Variants in COXFA4L3 observed in about 807,000 individuals in gnomAD.
The protein encoded by COXFA4L3 is cytochrome c oxidase associated subunit FA4L3.
chr15:45,431,015 G>A, the COXFA4L3 span: 15 of 1,614,020 alleles, frequency 9.3e-6, 1 homozygote, highest in South Asian at 1.3e-4. Context: ...TTCCCTTGGT[G>A]GTGTTCATGA....
chr15:45,433,074 G>T, the COXFA4L3 span: 13 of 1,498,850 alleles, frequency 8.7e-6, no homozygotes, highest in Admixed American at 1.2e-4. Flanking sequence ...AAACATTTCT[G>T]CACAAACTAG....
At chr15:45,432,271 T>G in the COXFA4L3 span, 2 of 677,252 alleles carry the variant, frequency 3.0e-6, no homozygotes, top group South Asian at 2.0e-5. Flanking sequence ...AATGAGGAAA[T>G]TTTAAGAGCC....
chr15:45,431,931 T>C, the COXFA4L3 span: 4 of 677,796 alleles, frequency 5.9e-6, no homozygotes, highest in East Asian at 5.4e-5. Flanking sequence ...CAATTTTAGT[T>C]GCTACTGATG....
the COXFA4L3 span, chr15:45,430,689 C>G: frequency 4.8e-6 from 5 of 1,038,480 alleles, no homozygotes; most frequent in Non-Finnish European, 7.1e-6. Flanking sequence ...GCGGACGCGC[C>G]GGCCCGCAGT....
chr15:45,433,240 A>G, the COXFA4L3 span: 1 of 490,348 alleles, frequency 2.0e-6, no homozygotes, highest in Non-Finnish European at 3.8e-6. Context: ...TTGCATATTG[A>G]AATTTTTGTT....
chr15:45,431,718 A>T, the COXFA4L3 span, among the ~76,000 whole-genome samples: 1 of 152,178 alleles, frequency 6.6e-6, no homozygotes, highest in African/African-American at 2.4e-5. Context: ...CCACCTGCAG[A>T]GTTCAACCTG....
At chr15:45,431,402 T>A in the COXFA4L3 span, 1 of 218,978 alleles carries the variant, frequency 4.6e-6, no homozygotes, top group African/African-American at 2.3e-5. Context: ...AAAGCTTGTT[T>A]TTTTTTTTTT....
the COXFA4L3 span, chr15:45,432,170 C>T: frequency 3.2e-6 from 5 of 1,577,832 alleles, no homozygotes; most frequent in East Asian, 9.0e-5. Context: ...TATATTTTGC[C>T]CAAACCTTAG....
chr15:45,431,282 G>GA, the COXFA4L3 span: 16,909 of 349,196 alleles, frequency 0.048, 1,132 homozygotes, highest in African/African-American at 0.24. Flanking sequence ...ATGAAAATTA[G>GA]AAAAAAAAAA....
chr15:45,432,891 CA>C, the COXFA4L3 span: 4 of 1,484,066 alleles, frequency 2.7e-6, no homozygotes, highest in Non-Finnish European at 3.7e-6. Context: ...GAGGGACATG[CA>C]AATGAAAGTC....
chr15:45,433,227 A>G, the COXFA4L3 span: 2 of 523,036 alleles, frequency 3.8e-6, no homozygotes, highest in Non-Finnish European at 7.1e-6. Flanking sequence ...GTAAATTTGA[A>G]TATTGCATAT....
the COXFA4L3 span, chr15:45,433,178 C>A: frequency 1.3e-6 from 1 of 771,042 alleles, no homozygotes; most frequent in Non-Finnish European, 2.4e-6. Context: ...AGGAGTGCAG[C>A]AATAACTGCA....
the COXFA4L3 span, chr15:45,430,722 G>A: frequency 6.9e-7 from 1 of 1,457,844 alleles, no homozygotes. Flanking sequence ...CGCGGTGGAC[G>A]GTTTGGCGCC....
the COXFA4L3 span, chr15:45,432,838 A>G: frequency 3.7e-6 from 3 of 817,062 alleles, no homozygotes; most frequent in African/African-American, 3.5e-5. Context: ...TACAAACACA[A>G]TGGTGATGCT....
chr15:45,432,115 C>A, the COXFA4L3 span: 5 of 1,613,060 alleles, frequency 3.1e-6, no homozygotes, highest in South Asian at 5.5e-5. Context: ...AACTGTGGAC[C>A]CTACTGTACC....
chr15:45,430,696 C>T, the COXFA4L3 span: 2 of 1,139,360 alleles, frequency 1.8e-6, no homozygotes, highest in South Asian at 1.4e-5. Flanking sequence ...CGCCGGCCCG[C>T]AGTTGGCCTG....
At chr15:45,430,729 C>A in the COXFA4L3 span, 3 of 1,503,158 alleles carry the variant, frequency 2.0e-6, no homozygotes, top group Non-Finnish European at 1.8e-6. Flanking sequence ...GACGGTTTGG[C>A]GCCCACCAGG....
chr15:45,432,931 T>C, the COXFA4L3 span: 5 of 1,585,592 alleles, frequency 3.2e-6, no homozygotes, highest in African/African-American at 1.4e-5. Flanking sequence ...TTTTTTTTTT[T>C]CCTTTTTTCT....
chr15:45,431,166 T>C, the COXFA4L3 span: 2 of 1,249,222 alleles, frequency 1.6e-6, no homozygotes, highest in South Asian at 1.5e-5. Flanking sequence ...AAGTTTCCTA[T>C]TTTTTTCCCA....
Sources: gnomAD v4.1 joint callset for allele counts (sites outside exome capture counted in the v4.1 genomes callset) on GRCh38, gnomAD v4.1.1 for gene constraint, MANE v1.5 for transcripts, NCBI Gene and HGNC (gene_info 2026-07-23, HGNC 2026-07-21) for gene names.